Variants in AGPAT3 observed in about 807,000 individuals in gnomAD.
AGPAT3 encodes the protein 1-acyl-sn-glycerol-3-phosphate acyltransferase gamma.
A neutral mutation model predicts 47.3 loss-of-function variants in AGPAT3; 5 were observed. The observed-to-expected ratio is 0.11, with a 90% CI of 0.06 to 0.22. AGPAT3 has a LOEUF of 0.22. Among genes scored for constraint, AGPAT3 ranks in the 10% least tolerant of loss-of-function variants. The pLI is 1.00. For missense variants in AGPAT3, 315 were observed against 493.0 expected, an observed-to-expected ratio of 0.64 and a Z score of 3.42; for synonymous variants, 212 against 208.3, an observed-to-expected ratio of 1.02 and a Z score of -0.15.
At chr21:43,914,461 A>C (rs1388811980) in intron 2 of AGPAT3, among the ~76,000 whole-genome samples, 2 of 152,140 alleles carry the variant, frequency 1.3e-5, no homozygotes, top group Non-Finnish European at 2.9e-5. Context: ...AATTTTAAAA[A>C]ACTGTTTAAT....
At chr21:43,901,434 C>T (rs925833587) in intron 1 of AGPAT3, among the ~76,000 whole-genome samples, 4 of 49,564 alleles carry the variant, frequency 8.1e-5, no homozygotes, top group African/African-American at 4.8e-4. Context: ...ATATGTTCCA[C>T]GTGTTCAATC....
chr21:43,923,970 G>GT (rs1188500972), intron 2 of AGPAT3, among the ~76,000 whole-genome samples: 1 of 152,192 alleles, frequency 6.6e-6, no homozygotes, highest in East Asian at 1.9e-4. Flanking sequence ...TGAAAGGCTT[G>GT]TTAGGAGTAA....
chr21:43,906,584 G>A (rs2086501712), intron 2 of AGPAT3, among the ~76,000 whole-genome samples: 1 of 152,044 alleles, frequency 6.6e-6, no homozygotes, highest in Admixed American at 6.6e-5. Context: ...GTGATGGGAC[G>A]CTTGTTCCTC....
chr21:43,929,376 C>T (rs1313919454), intron 2 of AGPAT3, among the ~76,000 whole-genome samples: 1 of 152,260 alleles, frequency 6.6e-6, no homozygotes, highest in Non-Finnish European at 1.5e-5. Flanking sequence ...TCAGCCGCTC[C>T]CTGCCATCAC....
intron 1 of AGPAT3, among the ~76,000 whole-genome samples, chr21:43,874,111 C>T (rs1310577116): frequency 2.6e-5 from 4 of 152,120 alleles, no homozygotes; most frequent in South Asian, 2.1e-4. Flanking sequence ...CTGCAACCTC[C>T]GCCTCCCGGA....
chr21:43,981,224 G>C lies in AGPAT3; in HGVS notation c.1042+37G>C, dbSNP rs776982672. On this transcript the variant is annotated intron_variant, in intron 9 of 9. Coordinates refer to ENST00000291572, the MANE Select transcript of AGPAT3 (RefSeq NM_020132.5). This position sits in a 1 kb window ranked among gnomAD's most constrained non-coding sequence, Gnocchi z 5.3. ...TGTCGCTAACAGCTCACACTCTGACGGGCCTCACAGTATCAGCCACAGGGT... is the reference window on the plus strand; with the variant it reads ...TGTCGCTAACAGCTCACACTCTGACCGGCCTCACAGTATCAGCCACAGGGT... 6.2e-7 allele frequency: 1 copy of C among 1,604,982 alleles called. No homozygotes were observed. Among genetic ancestry groups the C allele is most frequent in the Non-Finnish European group, 8.5e-7 (1 of 1,172,238 alleles).
rs114185892 is a variant in AGPAT3 at position 43,885,078 on chromosome 21, C to T, written c.-111-18879C>T. Among the ~76,000 whole-genome samples, 53 of 152,352 alleles carry T rather than the reference C, an allele frequency of 3.5e-4. 1 individual carries two copies. Among genetic ancestry groups the T allele is most frequent in the African/African-American group, 9.6e-4 (40 of 41,576 alleles). The stretch of plus-strand genomic sequence containing the variant: ...AGTGACGTGCGGTGCTGAGCAAGGC[C>T]GGGAACCTGGCCCCTGACCTGTGTA... On this transcript the variant is annotated intron_variant, in intron 1 of 9. Coordinates refer to ENST00000291572, the MANE Select transcript of AGPAT3 (RefSeq NM_020132.5).
chr21:43,958,072 C>T (rs1234018972), intron 2 of AGPAT3, among the ~76,000 whole-genome samples: 3 of 152,212 alleles, frequency 2.0e-5, no homozygotes, highest in Non-Finnish European at 2.9e-5. Context: ...TGTGAGGCCT[C>T]CTGGCTCTGT....
intron 2 of AGPAT3, among the ~76,000 whole-genome samples, chr21:43,912,046 G>A (rs1365210711): frequency 6.6e-6 from 1 of 152,266 alleles, no homozygotes; most frequent in Non-Finnish European, 1.5e-5. Context: ...ACGGACTCAT[G>A]GGCATGGTGG....
chr21:43,970,755 C>G lies in AGPAT3; in HGVS notation c.613C>G (p.Leu205Val). Residue 205 changes from leucine (L) to valine (V), a missense_variant, in exon 6 of 10, where the codon CTG becomes GTG. Transcript: ENST00000291572. The surrounding 1 kb of genome is among the most constrained non-coding windows in gnomAD (Gnocchi z 5.8). ...KGLPVLKYHLLPRTKGFTTAV... is the reference protein window; with the variant it reads ...KGLPVLKYHLVPRTKGFTTAV... The stretch of plus-strand genomic sequence containing the variant: ...GCTTCCTGTCCTCAAGTACCACCTG[C>G]TGCCGCGGACCAAGGGCTTCACCAC... The G allele has an allele frequency of 6.2e-7, 1 of 1,609,260 alleles. No individual in the cohort carries two copies. The highest frequency in any genetic ancestry group is 8.5e-7 in the Non-Finnish European group (1 of 1,176,536).
chr21:43,980,347 G>A (rs2089801507), intron 8 of AGPAT3, among the ~76,000 whole-genome samples: 1 of 151,238 alleles, frequency 6.6e-6, no homozygotes, highest in African/African-American at 2.4e-5. Context: ...GCATCCTAGA[G>A]TCCCACGGGC....
rs939136787 is a variant in AGPAT3, at chr21:43,981,717, G to T, written c.1042+530G>T. ...CGGCGCCCACCCACACCCCGTAATT[G>T]AGGGGTCTCTGTCCGTGGAGACACA... On this transcript the variant is annotated intron_variant, in intron 9 of 9. Coordinates refer to ENST00000291572, the MANE Select transcript of AGPAT3 (RefSeq NM_020132.5). This position sits in a 1 kb window ranked among gnomAD's most constrained non-coding sequence, Gnocchi z 5.3. 1.3e-5 allele frequency among the ~76,000 whole-genome samples: 2 copies of T among 151,936 alleles called. No homozygotes were observed. The highest frequency in any genetic ancestry group is 4.8e-5 in the African/African-American group (2 of 41,370).
chr21:43,963,669 C>G (rs2088984871), intron 3 of AGPAT3, among the ~76,000 whole-genome samples: 1 of 142,684 alleles, frequency 7.0e-6, no homozygotes, highest in Non-Finnish European at 1.5e-5. Context: ...GACTGCATCA[C>G]TGCACTCCAG....
rs998796984 is a variant in AGPAT3 at position 43,952,307 on chromosome 21, C to T, written c.-48-7327C>T. Among the ~76,000 whole-genome samples, 5 of 152,146 alleles carry T rather than the reference C, an allele frequency of 3.3e-5. No homozygotes were observed. The highest frequency in any genetic ancestry group is 5.9e-5 in the Non-Finnish European group (4 of 68,026). ...AAGGACACCGGTCAGATGGAATCAG[C>T]GCCCACCCTGATGATATCATTTAAC... On this transcript the variant is annotated intron_variant, in intron 2 of 9. Transcript: ENST00000291572. The surrounding 1 kb of genome is among the most constrained non-coding windows in gnomAD (Gnocchi z 5.6).
Position 43,880,407 on chromosome 21 carries a change from A to G in AGPAT3, c.-112+15062A>G, listed in dbSNP as rs1432475707. Reference sequence around the variant, plus strand: ...TGTCTTGTTCTGGTGCCACTTCCTCAGGTATGCGAGGGCTGCCTTTGTAAG... The same window carrying G: ...TGTCTTGTTCTGGTGCCACTTCCTCGGGTATGCGAGGGCTGCCTTTGTAAG... On this transcript the variant is annotated intron_variant, in intron 1 of 9. Coordinates refer to ENST00000291572, the MANE Select transcript of AGPAT3 (RefSeq NM_020132.5). This position sits in a 1 kb window ranked among gnomAD's most constrained non-coding sequence, Gnocchi z 4.5. Among the ~76,000 whole-genome samples the G allele has an allele frequency of 6.6e-6, 1 of 152,144 alleles. No individual in the cohort carries two copies. The highest frequency in any genetic ancestry group is 6.5e-5 in the Admixed American group (1 of 15,272).
intron 3 of AGPAT3, among the ~76,000 whole-genome samples, chr21:43,964,634 AAAATAAG>A (rs2089037230): frequency 6.6e-6 from 1 of 152,256 alleles, no homozygotes; most frequent in Admixed American, 6.5e-5. Flanking sequence ...GAAAAGCATT[AAAATAAG>A]AAATATTGAG....
intron 1 of AGPAT3, among the ~76,000 whole-genome samples, chr21:43,884,420 G>C (rs1417333893): frequency 6.6e-6 from 1 of 152,174 alleles, no homozygotes; most frequent in African/African-American, 2.4e-5. Flanking sequence ...CCTGTTTTCT[G>C]CTGTGCGGAG....
Position 43,933,227 on chromosome 21 carries a change from C to T in AGPAT3, c.-48-26407C>T, listed in dbSNP as rs1044022348. 3.3e-5 allele frequency among the ~76,000 whole-genome samples: 5 copies of T among 152,106 alleles called. No individual in the cohort carries two copies. The highest frequency in any genetic ancestry group is 9.7e-5 in the African/African-American group (4 of 41,414). On this transcript the variant is annotated intron_variant, in intron 2 of 9. Transcript: ENST00000291572. The surrounding 1 kb of genome is among the most constrained non-coding windows in gnomAD (Gnocchi z 6.0). ...TGGCTCCTTCTGAGGCACAGCCGTT[C>T]GGGTCCTTTGCTGTTTGCTTTCTTG...
At chr21:43,867,474 C>T (rs2085533106) in intron 1 of AGPAT3, 2 of 152,308 alleles carry the variant, frequency 1.3e-5, no homozygotes, top group African/African-American at 4.8e-5. Flanking sequence ...TCACATTTAC[C>T]CTGTTCATCA....
Sources: allele counts gnomAD v4.1 joint callset (sites outside exome capture counted in the v4.1 genomes callset), GRCh38; gene constraint gnomAD v4.1.1; non-coding constraint Gnocchi (gnomAD v3.1); transcripts MANE v1.5; gene names NCBI Gene and HGNC (gene_info 2026-07-23, HGNC 2026-07-21).